MDGA2: variants seen among roughly 807,000 people sequenced by gnomAD.
MDGA2 encodes the protein MAM domain containing glycosylphosphatidylinositol anchor 2, also known as MAM domain-containing glycosylphosphatidylinositol anchor protein 2.
In MDGA2, 40 loss-of-function variants were observed where a neutral mutation model predicts 117.8. That is an observed-to-expected ratio of 0.34 (90% CI 0.26 to 0.44). MDGA2 has a LOEUF of 0.44. MDGA2 is among the 20% of genes least tolerant of loss of function. The pLI is 1.00. For missense variants in MDGA2, 1,123 were observed against 1,250.6 expected (o/e 0.90, Z 1.54); for synonymous variants, 452 against 439.0 (o/e 1.03, Z -0.37).
intron 8 of MDGA2, among the ~76,000 whole-genome samples, chr14:46,979,167 T>C (rs747429533): frequency 1.3e-5 from 2 of 152,098 alleles, no homozygotes; most frequent in Non-Finnish European, 2.9e-5. Flanking sequence ...TTTTTTTCAG[T>C]GATCTTACTA....
At chr14:47,559,576 C>CTT (rs75462911) in intron 1 of MDGA2, among the ~76,000 whole-genome samples, 4 of 138,704 alleles carry the variant, frequency 2.9e-5, no homozygotes, top group African/African-American at 8.0e-5. Context: ...TTTTTCTTTT[C>CTT]TTTTTTTTTT....
At chr14:47,256,606 A>G (rs1267589338) in intron 2 of MDGA2, among the ~76,000 whole-genome samples, 1 of 152,140 alleles carries the variant, frequency 6.6e-6, no homozygotes, top group Non-Finnish European at 1.5e-5. Context: ...ATTTCTCTGG[A>G]AGGAAATTCT....
chr14:47,022,928 A>T (rs35707400), intron 8 of MDGA2, among the ~76,000 whole-genome samples: 54,354 of 152,006 alleles, frequency 0.36, 10,717 homozygotes, highest in East Asian at 0.59. Context: ...AAATAGAACA[A>T]TGCTTGCATT....
chr14:46,885,113 C>T (rs764467303), intron 10 of MDGA2, among the ~76,000 whole-genome samples: 57 of 152,044 alleles, frequency 3.7e-4, no homozygotes, highest in Non-Finnish European at 7.1e-4. Flanking sequence ...TCCTGAAGTG[C>T]TGGGATTACA....
intron 1 of MDGA2, among the ~76,000 whole-genome samples, chr14:47,611,278 C>T (rs1169231025): frequency 7.2e-5 from 11 of 151,980 alleles, no homozygotes; most frequent in Admixed American, 7.2e-4. Context: ...TTGGAAAAAC[C>T]CTTCTAAACA....
intron 9 of MDGA2, among the ~76,000 whole-genome samples, chr14:46,939,035 C>G (rs1163725862): frequency 6.6e-6 from 1 of 152,072 alleles, no homozygotes; most frequent in Admixed American, 6.6e-5. Context: ...ATTTCATGAT[C>G]TCATGCATTT....
intron 1 of MDGA2, among the ~76,000 whole-genome samples, chr14:47,448,123 CTTTA>C (rs200627589): frequency 6.9e-6 from 1 of 145,344 alleles, no homozygotes; most frequent in Non-Finnish European, 1.5e-5. Flanking sequence ...TTGAGGCCTA[CTTTA>C]TTTATTTATT....
At chr14:47,246,944 G>A (rs779194457) in intron 2 of MDGA2, among the ~76,000 whole-genome samples, 4 of 151,648 alleles carry the variant, frequency 2.6e-5, no homozygotes, top group Non-Finnish European at 4.4e-5. Context: ...TAATCTATCC[G>A]ATGCCTATGG....
intron 6 of MDGA2, among the ~76,000 whole-genome samples, chr14:47,083,255 C>CA (rs1177655886): frequency 6.6e-6 from 1 of 151,702 alleles, no homozygotes; most frequent in Non-Finnish European, 1.5e-5. Context: ...AATAAACACA[C>CA]AAAAAATCCA....
chr14:47,309,200 A>G (rs60519667), intron 1 of MDGA2, among the ~76,000 whole-genome samples: 24,174 of 152,162 alleles, frequency 0.16, 2,271 homozygotes, highest in East Asian at 0.27. Context: ...AACAACATAT[A>G]TATTATTTTA....
Position 47,096,957 on chromosome 14 carries a change from C to G in MDGA2, c.1092G>C (p.Leu364Phe), listed in dbSNP as rs1011998062. The G allele has an allele frequency of 3.1e-6, 5 of 1,613,226 alleles. No homozygotes were observed. The highest frequency in any genetic ancestry group is 2.2e-5 in the East Asian group (1 of 44,824). ...CATCTGAGGTGATGGCAGGTATGGT[C>G]AAAGTTCCTCCATTCAAAACAGTCT... is the stretch of plus-strand genomic sequence containing the variant. Reference protein sequence around the residue: ...PEKTVLNGGTLTIPAITSDDA... With the variant: ...PEKTVLNGGTFTIPAITSDDA... Residue 364 changes from leucine to phenylalanine, a missense_variant, in exon 6 of 17, where the codon TTG becomes TTC. This residue lies in a region of MDGA2 where 890 missense variants were observed against 1,050.3 expected (regional missense o/e 0.85). Coordinates refer to ENST00000399232, the MANE Select transcript of MDGA2 (RefSeq NM_001113498.3).
At chr14:47,563,578 G>GGTTTTTTTTTTT (rs1895857035) in intron 1 of MDGA2, among the ~76,000 whole-genome samples, 1 of 56,974 alleles carries the variant, frequency 1.8e-5, no homozygotes, top group African/African-American at 9.5e-5. Context: ...GCTTTTTTCT[G>GGTTTTTTTTTTT]TTTTTTTTTT....
At chr14:47,441,189 A>G (rs188020928) in intron 1 of MDGA2, among the ~76,000 whole-genome samples, 1 of 152,252 alleles carries the variant, frequency 6.6e-6, no homozygotes, top group African/African-American at 2.4e-5. Context: ...AATAGGCAAG[A>G]TTTGATCAAG....
chr14:47,512,474 C>T (rs1297039597), intron 1 of MDGA2, among the ~76,000 whole-genome samples: 1 of 152,042 alleles, frequency 6.6e-6, no homozygotes, highest in Non-Finnish European at 1.5e-5. Context: ...ACTATAAAAT[C>T]AGAAATCAAA....
rs1265112374 is a variant in MDGA2, at chr14:47,538,133, GTAGT to G, written c.280+136380_280+136383del. 3.3e-5 allele frequency among the ~76,000 whole-genome samples: 5 copies of G among 152,164 alleles called. No homozygotes were observed. In the East Asian group the frequency reaches 9.6e-4, roughly 29 times the overall value. ...AAGTCCTAATTATTTAAAAGAAGCA[GTAGT>G]TAAACAAATGTATGATGTTTCGAAT... On this transcript the variant is annotated intron_variant, in intron 1 of 16. Coordinates refer to ENST00000399232, the MANE Select transcript of MDGA2 (RefSeq NM_001113498.3).
chr14:47,438,559 G>C (rs148971108), intron 1 of MDGA2, among the ~76,000 whole-genome samples: 95 of 152,246 alleles, frequency 6.2e-4, no homozygotes, highest in African/African-American at 2.2e-3. Context: ...AACCAGTATA[G>C]CTACTTCCCT....
chr14:47,143,967 G>A, intron 4 of MDGA2, 111 bp downstream of exon 4: 1 of 748,960 alleles, frequency 1.3e-6, no homozygotes, highest in Non-Finnish European at 1.9e-6. Context: ...ATTGGTTTTT[G>A]AAAGGCCAGA....
intron 1 of MDGA2, among the ~76,000 whole-genome samples, chr14:47,568,421 G>T (rs888267537): frequency 3.9e-5 from 6 of 152,216 alleles, no homozygotes; most frequent in South Asian, 4.1e-4. Flanking sequence ...ATGGACTACG[G>T]ATTAATAACC....
At chr14:47,479,082 G>T (rs1893900299) in intron 1 of MDGA2, among the ~76,000 whole-genome samples, 1 of 152,080 alleles carries the variant, frequency 6.6e-6, no homozygotes, top group Non-Finnish European at 1.5e-5. Context: ...TAATTTGCAA[G>T]GTGATTTGCA....
Sources: allele counts gnomAD v4.1 joint callset (sites outside exome capture counted in the v4.1 genomes callset), GRCh38; gene constraint gnomAD v4.1.1; regional missense constraint gnomAD v4.1.1; transcripts MANE v1.5; gene names NCBI Gene and HGNC (gene_info 2026-07-23, HGNC 2026-07-21).